Variants in CDK14 observed in about 807,000 individuals in gnomAD.
CDK14 encodes the protein cyclin dependent kinase 14, also known as cyclin-dependent kinase 14.
A neutral mutation model predicts 60.7 loss-of-function variants in CDK14; 34 were observed. The ratio of observed to expected loss-of-function variants is 0.56; its 90% CI spans 0.43 to 0.75. The LOEUF is 0.75. CDK14 is among the 30% of genes least tolerant of loss of function. The pLI is 0.00. For synonymous variants in CDK14, 197 were observed against 203.7 expected (o/e 0.97, Z 0.28); for missense variants, 482 against 564.1 (o/e 0.85, Z 1.47).
intron 1 of CDK14, among the ~76,000 whole-genome samples, chr7:90,602,719 A>C (rs983413879): frequency 3.9e-5 from 6 of 152,258 alleles, no homozygotes; most frequent in African/African-American, 1.4e-4. Flanking sequence ...TGAATGCAAG[A>C]TAAGCCATTC....
At chr7:90,996,187 T>G (rs1303476649) in intron 10 of CDK14, among the ~76,000 whole-genome samples, 1 of 152,192 alleles carries the variant, frequency 6.6e-6, no homozygotes, top group African/African-American at 2.4e-5. Context: ...CAAATGAATA[T>G]TTGTAATCAT....
chr7:91,015,069 A>G (rs1167548201), intron 10 of CDK14, among the ~76,000 whole-genome samples: 1 of 152,094 alleles, frequency 6.6e-6, no homozygotes, highest in Non-Finnish European at 1.5e-5. Context: ...ATTCTGTGTA[A>G]TGTGTCATTT....
Position 91,045,899 on chromosome 7 carries a change from T to C in CDK14, c.1044T>C (p.Val348=), listed in dbSNP as rs1395642391. The C allele has an allele frequency of 4.4e-6, 7 of 1,606,688 alleles. No individual in the cohort carries two copies. Among genetic ancestry groups the C allele is most frequent in the Admixed American group, 1.7e-5 (1 of 59,970 alleles). ...CACAATCTCCTACTCTCCACTAGGT[T>C]CTTGGAACACCAAATGAGGACACAT... is the stretch of plus-strand genomic sequence containing the variant. ...IQDQLERIFL[V]LGTPNEDTWP... The change falls in exon 11 of 15, where the codon GTT becomes GTC. Residue 348 remains valine, a splice_region_variant and synonymous_variant. Coordinates refer to ENST00000380050, the MANE Select transcript of CDK14 (RefSeq NM_001287135.2).
intron 5 of CDK14, among the ~76,000 whole-genome samples, chr7:90,812,361 G>T (rs577553570): frequency 6.6e-6 from 1 of 151,966 alleles, no homozygotes; most frequent in Non-Finnish European, 1.5e-5. Flanking sequence ...GCAAACTATC[G>T]CAAGGACAAA....
intron 9 of CDK14, among the ~76,000 whole-genome samples, chr7:90,967,807 G>A (rs1338125461): frequency 6.6e-6 from 1 of 152,156 alleles, no homozygotes; most frequent in Non-Finnish European, 1.5e-5. Flanking sequence ...AAGTGTTTAG[G>A]CAATAGAAAA....
At chr7:90,610,455 C>T (rs768503980) in intron 2 of CDK14, among the ~76,000 whole-genome samples, 6 of 152,164 alleles carry the variant, frequency 3.9e-5, no homozygotes, top group Non-Finnish European at 7.4e-5. Context: ...AGCCTTCTTG[C>T]GACCCTCCTC....
At chr7:90,663,263 A>G (rs1422519743) in intron 2 of CDK14, among the ~76,000 whole-genome samples, 1 of 152,208 alleles carries the variant, frequency 6.6e-6, no homozygotes, top group African/African-American at 2.4e-5. Context: ...TGTTTATTAC[A>G]TATTCACACT....
chr7:90,657,255 G>A (rs1800771133), intron 2 of CDK14, among the ~76,000 whole-genome samples: 1 of 152,126 alleles, frequency 6.6e-6, no homozygotes, highest in Non-Finnish European at 1.5e-5. Context: ...ATCATTCACT[G>A]TGATAAGGAC....
At chr7:90,995,196 C>T (rs1795649635) in intron 10 of CDK14, among the ~76,000 whole-genome samples, 1 of 152,144 alleles carries the variant, frequency 6.6e-6, no homozygotes, top group African/African-American at 2.4e-5. Flanking sequence ...TTGTCTTCCT[C>T]TCTTACCGGC....
intron 5 of CDK14, among the ~76,000 whole-genome samples, chr7:90,854,351 A>C (rs888262316): frequency 1.3e-5 from 2 of 151,992 alleles, no homozygotes; most frequent in Non-Finnish European, 2.9e-5. Flanking sequence ...TCATCTCTAC[A>C]AATAACTAGA....
At chr7:91,158,335 G>T (rs950205229) in intron 14 of CDK14, among the ~76,000 whole-genome samples, 4 of 151,786 alleles carry the variant, frequency 2.6e-5, no homozygotes, top group Non-Finnish European at 1.5e-5. Context: ...ACCTCAGCCT[G>T]CCGAGTAGCT....
chr7:90,952,468 C>A (rs1481648247), intron 8 of CDK14, among the ~76,000 whole-genome samples: 1 of 152,092 alleles, frequency 6.6e-6, no homozygotes, highest in Non-Finnish European at 1.5e-5. Context: ...GGCAGTAGGG[C>A]TTGAATAGCA....
intron 9 of CDK14, among the ~76,000 whole-genome samples, chr7:90,970,626 T>A (rs1794896794): frequency 6.6e-6 from 1 of 152,230 alleles, no homozygotes. Flanking sequence ...TACAGCTTCC[T>A]TACATGTAAA....
chr7:90,756,188 A>G (rs938739815), intron 4 of CDK14, among the ~76,000 whole-genome samples: 6 of 152,240 alleles, frequency 3.9e-5, no homozygotes, highest in African/African-American at 1.4e-4. Context: ...TAGTTCTCAC[A>G]TATACTCTGA....
chr7:91,106,438 A>C (rs1799297674), intron 12 of CDK14, among the ~76,000 whole-genome samples: 1 of 152,188 alleles, frequency 6.6e-6, no homozygotes, highest in Admixed American at 6.5e-5. Context: ...GGCACAAAAA[A>C]ATAATCTGGG....
chr7:91,119,924 TTCAATTGG>T (rs2116383327), intron 14 of CDK14, among the ~76,000 whole-genome samples: 1 of 152,322 alleles, frequency 6.6e-6, no homozygotes, highest in African/African-American at 2.4e-5. Flanking sequence ...CACTCTGAAT[TTCAATTGG>T]TCAGACAAAG....
Position 91,045,883 on chromosome 7 carries a change from C to T in CDK14, c.1042-14C>T. On this transcript the variant is annotated splice_polypyrimidine_tract_variant and intron_variant, in intron 10 of 14. Coordinates refer to ENST00000380050, the MANE Select transcript of CDK14 (RefSeq NM_001287135.2). The stretch of plus-strand genomic sequence containing the variant: ...ATAATAAGGCTGTTTCCACAATCTC[C>T]TACTCTCCACTAGGTTCTTGGAACA... 1.3e-6 allele frequency: 2 copies of T among 1,584,604 alleles called. No homozygotes were observed. The highest frequency in any genetic ancestry group is 3.3e-5 in the Admixed American group (2 of 59,912).
intron 14 of CDK14, among the ~76,000 whole-genome samples, chr7:91,204,024 G>A (rs1802805057): frequency 2.6e-5 from 4 of 152,124 alleles, no homozygotes; most frequent in Admixed American, 2.6e-4. Flanking sequence ...TTTAAGAAGA[G>A]GTTTGATAAA....
At chr7:90,612,820 T>C (rs146837284) in intron 2 of CDK14, among the ~76,000 whole-genome samples, 17 of 152,102 alleles carry the variant, frequency 1.1e-4, no homozygotes, top group African/African-American at 4.1e-4. Context: ...CTGTACTGTT[T>C]TATTTTCACT....
Sources: allele counts gnomAD v4.1 joint callset (sites outside exome capture counted in the v4.1 genomes callset), GRCh38; gene constraint gnomAD v4.1.1; transcripts MANE v1.5; gene names NCBI Gene and HGNC (gene_info 2026-07-23, HGNC 2026-07-21).